Variants in SCP2 observed in about 807,000 individuals in gnomAD.
SCP2 encodes the protein sterol carrier protein 2, also known as SCP-2/3-oxoacyl-CoA thiolase.
A neutral mutation model predicts 71.4 loss-of-function variants in SCP2; 48 were observed. The ratio of observed to expected loss-of-function variants is 0.67; its 90% CI spans 0.53 to 0.86. The LOEUF (loss-of-function observed/expected upper bound fraction) is 0.86. Among genes scored for constraint, SCP2 ranks in the 40% least tolerant of loss-of-function variants. The pLI, the probability that SCP2 is intolerant of heterozygous loss-of-function variation, is 0.00. For synonymous variants in SCP2, 220 were observed against 218.1 expected (o/e 1.01, Z -0.08); for missense variants, 560 against 655.6 (o/e 0.85, Z 1.59).
At chr1:52,989,888 T>C (rs1659319321) in intron 11 of SCP2, among the ~76,000 whole-genome samples, 1 of 152,168 alleles carries the variant, frequency 6.6e-6, no homozygotes, top group Admixed American at 6.5e-5. Context: ...CAGAGTTGTG[T>C]GCATGCTCAG....
intron 10 of SCP2, among the ~76,000 whole-genome samples, chr1:52,981,039 C>T (rs914889258): frequency 7.2e-5 from 11 of 152,100 alleles, no homozygotes; most frequent in African/African-American, 2.4e-4. Flanking sequence ...TCAAGTGATT[C>T]TCCTGCCTCA....
rs1655221746 is a variant in SCP2, at chr1:52,950,810, T to A, written c.255T>A (p.Ile85=). The A allele has an allele frequency of 6.2e-7, 1 of 1,613,794 alleles. No individual in the cohort carries two copies. The highest frequency in any genetic ancestry group is 8.5e-7 in the Non-Finnish European group (1 of 1,179,666). The change falls in exon 4 of 16, where the codon ATT becomes ATA. Residue 85 remains isoleucine (I), a synonymous_variant. Coordinates refer to ENST00000371514, the MANE Select transcript of SCP2 (RefSeq NM_002979.5). ...ATCACAGTTTGGGAATGACTGGAAT[T>A]CCTATAATCAATGTCAACAATAACT... The part of the protein sequence containing the change: ...AIYHSLGMTG[I]PIINVNNNCA...
chr1:52,988,485 A>G (rs1332116844), intron 11 of SCP2, among the ~76,000 whole-genome samples: 2 of 152,176 alleles, frequency 1.3e-5, no homozygotes, highest in Admixed American at 6.6e-5. Context: ...AGACAACTGG[A>G]CTAGAATTTA....
chr1:52,927,346 A>T lies in SCP2; in HGVS notation c.-51A>T. The T allele has an allele frequency of 6.9e-7, 1 of 1,457,158 alleles. No individual in the cohort carries two copies. Among genetic ancestry groups the T allele is most frequent in the Non-Finnish European group, 9.4e-7 (1 of 1,062,920 alleles). The allele number at this position is 1,457,158 out of a possible 1,614,324, so 90.3% of individuals were successfully genotyped here. A position where few individuals can be genotyped will look rare whatever the true frequency, so the allele number is the denominator to read the frequency against. On this transcript the variant is annotated 5_prime_UTR_variant, in exon 1 of 16. Coordinates refer to ENST00000371514, the MANE Select transcript of SCP2 (RefSeq NM_002979.5). ...AGCTCTGGTGCAGTCTCCGCCTGTC[A>T]GTGCCGGCAGTCGTCCGCGGCGCCC...
chr1:52,973,434 T>C (rs928773058), intron 6 of SCP2, among the ~76,000 whole-genome samples: 2 of 151,924 alleles, frequency 1.3e-5, no homozygotes, highest in African/African-American at 4.8e-5. Flanking sequence ...TTGTCCAAAA[T>C]GTTTTGAGAA....
intron 11 of SCP2, chr1:52,993,693 C>T: frequency 1.2e-6 from 2 of 1,611,962 alleles, no homozygotes; most frequent in Non-Finnish European, 1.7e-6. Context: ...TAATCCGTTA[C>T]AAAATAGGAC....
At chr1:52,941,764 T>A in intron 1 of SCP2, 32 bp from the exon 2 acceptor site, 1 of 1,422,788 alleles carries the variant, frequency 7.0e-7, no homozygotes, top group Non-Finnish European at 9.9e-7. Flanking sequence ...ACTATACTTG[T>A]TTGTATTTAT....
At chr1:52,956,961 G>C (rs1180984067) in intron 5 of SCP2, among the ~76,000 whole-genome samples, 1 of 142,192 alleles carries the variant, frequency 7.0e-6, no homozygotes, top group Non-Finnish European at 1.5e-5. Context: ...CCAGGCTGGA[G>C]TGCAGTGGTG....
chr1:53,004,051 T>C (rs907479281), intron 11 of SCP2, among the ~76,000 whole-genome samples: 1 of 152,300 alleles, frequency 6.6e-6, no homozygotes, highest in Middle Eastern at 3.4e-3. Flanking sequence ...CCCATCACAG[T>C]ACCCATCACA....
chr1:52,980,951 A>G (rs1174988869), intron 10 of SCP2, among the ~76,000 whole-genome samples: 1 of 152,146 alleles, frequency 6.6e-6, no homozygotes, highest in African/African-American at 2.4e-5. Context: ...CGTTTTTCTG[A>G]GACGGAGACT....
intron 14 of SCP2, among the ~76,000 whole-genome samples, chr1:53,040,399 C>G (rs1206197194): frequency 1.3e-5 from 2 of 152,196 alleles, no homozygotes; most frequent in Non-Finnish European, 2.9e-5. Context: ...GGGCTTTCTG[C>G]TCTCTGTTCC....
chr1:53,023,649 G>A (rs1168078813), intron 12 of SCP2, among the ~76,000 whole-genome samples: 5 of 152,144 alleles, frequency 3.3e-5, no homozygotes, highest in African/African-American at 9.7e-5. Context: ...GCTGGGTCTC[G>A]AAGGGAGAAA....
chr1:52,959,442 G>A (rs902182199), intron 5 of SCP2, among the ~76,000 whole-genome samples: 18 of 151,940 alleles, frequency 1.2e-4, no homozygotes, highest in African/African-American at 2.9e-4. Flanking sequence ...TGATCCACCC[G>A]CCTCGACCTC....
chr1:52,961,910 A>G (rs1176366500), intron 6 of SCP2, among the ~76,000 whole-genome samples: 4 of 151,864 alleles, frequency 2.6e-5, no homozygotes, highest in Admixed American at 2.6e-4. Flanking sequence ...ACTATAAATT[A>G]TTTTTTTCCA....
chr1:53,046,151 T>C (rs1435363988), intron 14 of SCP2, among the ~76,000 whole-genome samples: 1 of 152,192 alleles, frequency 6.6e-6, no homozygotes, highest in East Asian at 1.9e-4. Flanking sequence ...GACGTAAGTT[T>C]TCATTTTTCT....
intron 10 of SCP2, among the ~76,000 whole-genome samples, chr1:52,982,690 C>T (rs1046886905): frequency 5.3e-5 from 8 of 152,160 alleles, no homozygotes; most frequent in African/African-American, 1.9e-4. Context: ...AATGTAGAAG[C>T]CTTGCAACCA....
At chr1:52,930,283 C>A (rs1236241792) in intron 1 of SCP2, among the ~76,000 whole-genome samples, 4 of 151,104 alleles carry the variant, frequency 2.6e-5, no homozygotes, top group Non-Finnish European at 5.9e-5. Flanking sequence ...ACGCTTATTA[C>A]ATGTGATGAA....
rs1658371611 is a variant in SCP2 at position 52,980,336 on chromosome 1, A to C, written c.826-60A>C. The C allele has an allele frequency of 4.7e-6, 7 of 1,495,038 alleles. No individual in the cohort carries two copies. The South Asian group carries it at 8.3e-5, about 18-fold the overall frequency. 92.6% of individuals were successfully genotyped at this position (1,495,038 alleles called of 1,614,324 possible). ...GGTTATGCATCTATTAATCTCTTAA[A>C]ATACTTGTTTAAAAGGCCCAGTTTT... is the stretch of plus-strand genomic sequence containing the variant. On this transcript the variant is annotated intron_variant, in intron 9 of 15. Coordinates refer to ENST00000371514, the MANE Select transcript of SCP2 (RefSeq NM_002979.5).
intron 6 of SCP2, among the ~76,000 whole-genome samples, chr1:52,974,159 A>G (rs1370377456): frequency 1.3e-5 from 2 of 152,152 alleles, no homozygotes; most frequent in Admixed American, 1.3e-4. Context: ...AATTCAAAGC[A>G]TATTTTATTC....
Sources: gnomAD v4.1 joint callset for allele counts (sites outside exome capture counted in the v4.1 genomes callset) on GRCh38, gnomAD v4.1.1 for gene constraint, MANE v1.5 for transcripts, NCBI Gene and HGNC (gene_info 2026-07-23, HGNC 2026-07-21) for gene names.